COL4A2: variants seen among roughly 807,000 people sequenced by gnomAD.
COL4A2 encodes collagen alpha-2(IV) chain.
A neutral mutation model predicts 200.2 loss-of-function variants in COL4A2; 99 were observed. That is an observed-to-expected ratio of 0.49 (90% CI 0.42 to 0.58). The LOEUF is 0.58. Among genes scored for constraint, COL4A2 ranks in the 20% least tolerant of loss-of-function variants. The pLI is 0.00. For synonymous variants in COL4A2, 897 were observed against 900.6 expected (o/e 1.00, Z 0.07); for missense variants, 1,950 against 2,314.1 (o/e 0.84, Z 3.23).
At chr13:110,496,298 T>C (rs902093896) in intron 40 of COL4A2, among the ~76,000 whole-genome samples, 18 of 152,170 alleles carry the variant, frequency 1.2e-4, no homozygotes, top group African/African-American at 4.1e-4. Flanking sequence ...TTTGCTGGGG[T>C]GCAGGGATGT....
intron 3 of COL4A2, 46 bp from the exon 4 acceptor site, chr13:110,357,426 G>T (rs1877325155): frequency 6.4e-7 from 1 of 1,554,112 alleles, no homozygotes; most frequent in African/African-American, 1.4e-5. Context: ...GTTGTAGTTG[G>T]CAATGTTTAG....
intron 4 of COL4A2, among the ~76,000 whole-genome samples, chr13:110,416,155 A>G (rs1364626856): frequency 6.6e-6 from 1 of 152,252 alleles, no homozygotes; most frequent in African/African-American, 2.4e-5. Context: ...TAACCTCTTC[A>G]TGACATCCAG....
At position 110,508,189 on chromosome 13, in the gene COL4A2, C is replaced by G; in HGVS notation, c.4849C>G (p.Arg1617Gly). The change falls in exon 47 of 48, where the codon CGG (arginine) becomes GGG (glycine). Residue 1617 changes from arginine (R) to glycine (G), a missense_variant. Transcript: ENST00000360467. This position sits in a 1 kb window ranked among gnomAD's most constrained non-coding sequence, Gnocchi z 6.1. ...CATCCCACACTGCCCAGCTGGGTGGCGGAGTTTGTGGATCGGATATTCCTT... is the reference window on the plus strand; with the variant it reads ...CATCCCACACTGCCCAGCTGGGTGGGGGAGTTTGTGGATCGGATATTCCTT... Reference protein sequence around the residue: ...VSIPHCPAGWRSLWIGYSFLM... With the variant: ...VSIPHCPAGWGSLWIGYSFLM... 1 of 1,614,222 alleles carries G rather than the reference C, an allele frequency of 6.2e-7. No homozygotes were observed. Among genetic ancestry groups the G allele is most frequent in the Non-Finnish European group, 8.5e-7 (1 of 1,180,024 alleles).
rs74124323 is a variant in COL4A2, at chr13:110,432,499, T to A, written c.684+139T>A. ...TGATGAAAACAGTTTTGGAGGTTTT[T>A]AAGACTTAATGTTAAACTCCAAGGA... On this transcript the variant is annotated intron_variant, in intron 11 of 47. Transcript: ENST00000360467. 6,927 of 1,106,044 alleles carry A rather than the reference T, an allele frequency of 6.3e-3. 343 individuals carry two copies. In the African/African-American group the frequency reaches 0.1, roughly 17 times the overall value. 68.5% of individuals were successfully genotyped at this position (1,106,044 alleles called of 1,614,324 possible).
rs530119350 is a variant in COL4A2 at position 110,406,387 on chromosome 13, G to C, written c.181-18347G>C. Among the ~76,000 whole-genome samples the C allele has an allele frequency of 2.0e-5, 3 of 152,292 alleles. No individual in the cohort carries two copies. The South Asian group carries it at 6.2e-4, about 32-fold the overall frequency. On this transcript the variant is annotated intron_variant, in intron 4 of 47. Coordinates refer to ENST00000360467, the MANE Select transcript of COL4A2 (RefSeq NM_001846.4). ...AAATACTCATCAGGGTTCACAGGCT[G>C]TCTGGTCTTAAGGAAGTGACAGCAT...
chr13:110,473,393 A>T, intron 29 of COL4A2: 1 of 482,100 alleles, frequency 2.1e-6, no homozygotes, highest in Middle Eastern at 5.3e-4. Flanking sequence ...GGATTCACTG[A>T]TGTAATCTGT....
chr13:110,337,514 G>A (rs1876251973), intron 3 of COL4A2, among the ~76,000 whole-genome samples: 1 of 152,230 alleles, frequency 6.6e-6, no homozygotes, highest in Non-Finnish European at 1.5e-5. Flanking sequence ...AGTGAGATTG[G>A]ACCAGCGTCA....
intron 7 of COL4A2, among the ~76,000 whole-genome samples, chr13:110,428,843 A>C (rs954684837): frequency 6.6e-6 from 1 of 152,330 alleles, no homozygotes; most frequent in Non-Finnish European, 1.5e-5. Context: ...CCAAATTCTC[A>C]TGCGTAATAG....
intron 4 of COL4A2, among the ~76,000 whole-genome samples, chr13:110,422,820 T>C (rs1880306005): frequency 6.6e-6 from 1 of 152,206 alleles, no homozygotes; most frequent in African/African-American, 2.4e-5. Flanking sequence ...GTAATGAATT[T>C]GGAGGTGAGA....
chr13:110,507,723 A>C, intron 46 of COL4A2: 1 of 600,812 alleles, frequency 1.7e-6, no homozygotes, highest in Non-Finnish European at 3.0e-6. Context: ...TTGTAGAAGA[A>C]CAGAGCTGTT....
chr13:110,400,657 T>C (rs902772036), intron 4 of COL4A2, among the ~76,000 whole-genome samples: 6 of 152,228 alleles, frequency 3.9e-5, no homozygotes, highest in African/African-American at 1.4e-4. Flanking sequence ...CAATGAAACC[T>C]GAATATACTT....
At chr13:110,332,841 C>G (rs929572674) in intron 3 of COL4A2, among the ~76,000 whole-genome samples, 4 of 152,230 alleles carry the variant, frequency 2.6e-5, no homozygotes, top group Non-Finnish European at 5.9e-5. Context: ...TGCACGCTTA[C>G]TTTCAGCAAT....
At chr13:110,342,457 G>A (rs1876501504) in intron 3 of COL4A2, among the ~76,000 whole-genome samples, 1 of 152,124 alleles carries the variant, frequency 6.6e-6, no homozygotes, top group Non-Finnish European at 1.5e-5. Flanking sequence ...ATCGTGAGAT[G>A]GAAATACACC....
intron 29 of COL4A2, among the ~76,000 whole-genome samples, chr13:110,476,492 G>A (rs538347222): frequency 7.9e-5 from 12 of 152,316 alleles, no homozygotes; most frequent in African/African-American, 2.9e-4. Flanking sequence ...CAGACAGTGC[G>A]CAGTCAGCAG....
intron 4 of COL4A2, among the ~76,000 whole-genome samples, chr13:110,358,268 C>A (rs1008804113): frequency 6.6e-6 from 1 of 151,944 alleles, no homozygotes; most frequent in African/African-American, 2.4e-5. Context: ...GGAGCCTGGG[C>A]CTACACGGGC....
chr13:110,469,366 C>A, intron 28 of COL4A2, 42 bp downstream of exon 28: 1 of 1,540,450 alleles, frequency 6.5e-7, no homozygotes, highest in Non-Finnish European at 8.8e-7. Flanking sequence ...TGGGTTCCAG[C>A]GGGAACCTGT....
At chr13:110,371,831 C>T (rs181484995) in intron 4 of COL4A2, among the ~76,000 whole-genome samples, 6 of 152,110 alleles carry the variant, frequency 3.9e-5, no homozygotes, top group South Asian at 2.1e-4. Context: ...TTGGCCGTGC[C>T]GGGAGCTCAT....
rs1882102854 is a variant in COL4A2, at chr13:110,463,201, C to T, written c.1776+817C>T. ...CGGGAGGATCTGTCCCTGCCTCTCT[C>T]CCAGGTTCCCGGAGCTCTGGCATTC... On this transcript the variant is annotated intron_variant, in intron 24 of 47. Transcript: ENST00000360467. The T allele has an allele frequency of 2.6e-5, 4 of 153,164 alleles. No homozygotes were observed. In the South Asian group the frequency reaches 6.2e-4, roughly 24 times the overall value. The allele number at this position is 153,164 out of a possible 1,614,324, so 9.5% of individuals were successfully genotyped here.
intron 4 of COL4A2, among the ~76,000 whole-genome samples, chr13:110,392,871 T>C (rs1383036502): frequency 6.6e-6 from 1 of 152,212 alleles, no homozygotes; most frequent in African/African-American, 2.4e-5. Flanking sequence ...AGTTAAGAAA[T>C]AATTGTATTA....
Sources: gnomAD v4.1 joint callset for allele counts (sites outside exome capture counted in the v4.1 genomes callset) on GRCh38, gnomAD v4.1.1 for gene constraint, Gnocchi (gnomAD v3.1) non-coding constraint, MANE v1.5 for transcripts, NCBI Gene and HGNC (gene_info 2026-07-23, HGNC 2026-07-21) for gene names.